CSDC2: variants seen among roughly 807,000 people sequenced by gnomAD.
CSDC2 encodes cold shock domain-containing protein C2.
A neutral mutation model predicts 15.8 loss-of-function variants in CSDC2; 8 were observed. That is an observed-to-expected ratio of 0.51 (90% CI 0.30 to 0.92). The LOEUF (loss-of-function observed/expected upper bound fraction) is 0.92. Among genes scored for constraint, CSDC2 ranks in the 40% least tolerant of loss-of-function variants. The pLI is 0.07. For synonymous variants in CSDC2, 96 were observed against 92.3 expected (o/e 1.04, Z -0.23); for missense variants, 195 against 213.3 (o/e 0.91, Z 0.53).
rs540147314 is a variant in CSDC2, at chr22:41,573,667, C to T, written c.189C>T (p.Ala63=). ...ACCCTATCTCCAGGACAGCCCGGGCCTCAGCTGGCCCCGTGTTCAAGGGCG... is the reference window on the plus strand; with the variant it reads ...ACCCTATCTCCAGGACAGCCCGGGCTTCAGCTGGCCCCGTGTTCAAGGGCG... The part of the protein sequence containing the change: ...RTRTYSATAR[A]SAGPVFKGVC... The change falls in exon 3 of 4, where the codon GCC becomes GCT. Residue 63 remains alanine, a synonymous_variant. Transcript: ENST00000306149. 1.2e-6 allele frequency: 2 copies of T among 1,613,188 alleles called. No homozygotes were observed. Among genetic ancestry groups the T allele is most frequent in the East Asian group, 4.5e-5 (2 of 44,842 alleles).
chr22:41,568,804 G>A (rs1222821359), intron 1 of CSDC2, among the ~76,000 whole-genome samples: 2 of 152,232 alleles, frequency 1.3e-5, no homozygotes, highest in Non-Finnish European at 2.9e-5. Context: ...CCACCTGAGA[G>A]CCCATCATGG....
Position 41,561,440 on chromosome 22 carries a change from G to A in CSDC2, c.-124+257G>A, listed in dbSNP as rs181161512. ...GTCTGTGTCTGTGTCTGGGACCTGCGTCTGGCTCAGGAGGCAGAGAGCAGC... is the reference window on the plus strand; with the variant it reads ...GTCTGTGTCTGTGTCTGGGACCTGCATCTGGCTCAGGAGGCAGAGAGCAGC... On this transcript the variant is annotated intron_variant, in intron 1 of 3. Coordinates refer to ENST00000306149, the MANE Select transcript of CSDC2 (RefSeq NM_014460.4). Among the ~76,000 whole-genome samples, 7 of 152,316 alleles carry A rather than the reference G, an allele frequency of 4.6e-5. No individual in the cohort carries two copies. In the East Asian group the frequency reaches 9.6e-4, roughly 21 times the overall value.
At chr22:41,568,323 C>T (rs533917876) in intron 1 of CSDC2, among the ~76,000 whole-genome samples, 3 of 151,668 alleles carry the variant, frequency 2.0e-5, no homozygotes, top group Admixed American at 6.6e-5. Context: ...TAACTTTGTC[C>T]CCCAGGCTGC....
intron 3 of CSDC2, among the ~76,000 whole-genome samples, chr22:41,574,367 G>A (rs2067164083): frequency 6.6e-6 from 1 of 152,236 alleles, no homozygotes; most frequent in Non-Finnish European, 1.5e-5. Context: ...CTGGGTTCAA[G>A]CGATTCTCCC....
intron 1 of CSDC2, among the ~76,000 whole-genome samples, chr22:41,568,745 T>C (rs763022250): frequency 6.6e-6 from 1 of 152,232 alleles, no homozygotes; most frequent in Non-Finnish European, 1.5e-5. Context: ...CTCTTGGTCC[T>C]GTCTTTGCTG....
At chr22:41,574,438 G>T (rs970682213) in intron 3 of CSDC2, among the ~76,000 whole-genome samples, 5 of 152,114 alleles carry the variant, frequency 3.3e-5, no homozygotes, top group Non-Finnish European at 5.9e-5. Flanking sequence ...GCTAATTTTT[G>T]TACTTTTAGT....
chr22:41,572,889 T>C (rs2067155161), intron 2 of CSDC2, among the ~76,000 whole-genome samples: 1 of 152,116 alleles, frequency 6.6e-6, no homozygotes, highest in Non-Finnish European at 1.5e-5. Flanking sequence ...AAGGATCTTT[T>C]GGGAAGGACA....
intron 1 of CSDC2, among the ~76,000 whole-genome samples, chr22:41,564,277 T>C (rs2067102422): frequency 6.6e-6 from 1 of 150,852 alleles, no homozygotes. Context: ...TTATTGTTTT[T>C]GAGACAGAGT....
At chr22:41,568,771 C>G (rs1018505051) in intron 1 of CSDC2, among the ~76,000 whole-genome samples, 1 of 152,248 alleles carries the variant, frequency 6.6e-6, no homozygotes, top group Non-Finnish European at 1.5e-5. Flanking sequence ...CTTCTGCCTC[C>G]CTTCTGCTCT....
In CSDC2 at chr22:41,575,068, C is replaced by T; in HGVS notation, c.*173C>T. On this transcript the variant is annotated 3_prime_UTR_variant, in exon 4 of 4. Transcript: ENST00000306149. ...CTATGAGCGTGTGCCTCCACCCACC[C>T]CACGACCCGTGACTACTGTGCAAGC... 1 of 807,170 alleles carries T rather than the reference C, an allele frequency of 1.2e-6. No individual in the cohort carries two copies. The highest frequency in any genetic ancestry group is 1.8e-5 in the South Asian group (1 of 55,464). 50.0% of individuals were successfully genotyped at this position (807,170 alleles called of 1,614,324 possible). A position where few individuals can be genotyped will look rare whatever the true frequency, so the allele number is the denominator to read the frequency against.
intron 1 of CSDC2, among the ~76,000 whole-genome samples, chr22:41,567,299 C>T (rs896642279): frequency 6.6e-6 from 1 of 152,220 alleles, no homozygotes; most frequent in Non-Finnish European, 1.5e-5. Flanking sequence ...GGGACTCTGT[C>T]ACCTGCTGTG....
At position 41,574,894 on chromosome 22, in the gene CSDC2, A is replaced by G. The variant is rs1261975155; in HGVS notation, c.461A>G (p.Ter154TrpextTer31). Residue 154 changes from the stop codon to tryptophan (W), a stop_lost, in exon 4 of 4, where the codon TAG becomes TGG. Transcript: ENST00000306149. ...ETWSGQVVGS[*>W] ...TGGTCTGGCCAGGTCGTGGGCTCCTAGGCTGAGTGGTTCACAGGCCAGCTG... is the reference window on the plus strand; with the variant it reads ...TGGTCTGGCCAGGTCGTGGGCTCCTGGGCTGAGTGGTTCACAGGCCAGCTG... 1 of 1,587,098 alleles carries G rather than the reference A, an allele frequency of 6.3e-7. No individual in the cohort carries two copies. Among genetic ancestry groups the G allele is most frequent in the Non-Finnish European group, 8.6e-7 (1 of 1,167,150 alleles).
In CSDC2 at chr22:41,571,879, C is replaced by T; in HGVS notation, c.-87C>T. On this transcript the variant is annotated 5_prime_UTR_variant, in exon 2 of 4. Coordinates refer to ENST00000306149, the MANE Select transcript of CSDC2 (RefSeq NM_014460.4). Reference sequence around the variant, plus strand: ...GGCTGGTGAGGCCGCAGAGCAGGGCCAGGCCGGGCCCTGCCCGCAAGGACG... The same window carrying T: ...GGCTGGTGAGGCCGCAGAGCAGGGCTAGGCCGGGCCCTGCCCGCAAGGACG... The T allele has an allele frequency of 1.1e-6, 1 of 906,298 alleles. No homozygotes were observed. The highest frequency in any genetic ancestry group is 1.5e-6 in the Non-Finnish European group (1 of 663,674). 56.1% of individuals were successfully genotyped at this position (906,298 alleles called of 1,614,324 possible).
At chr22:41,569,576 G>T (rs1182989493) in intron 1 of CSDC2, among the ~76,000 whole-genome samples, 1 of 152,092 alleles carries the variant, frequency 6.6e-6, no homozygotes, top group South Asian at 2.1e-4. Flanking sequence ...TGTGTGCAGG[G>T]TTCATCTAGG....
chr22:41,573,672 C>A lies in CSDC2; in HGVS notation c.194C>A (p.Ala65Asp). 6.2e-7 allele frequency: 1 copy of A among 1,613,394 alleles called. No homozygotes were observed. Among genetic ancestry groups the A allele is most frequent in the Non-Finnish European group, 8.5e-7 (1 of 1,179,654 alleles). ...RTYSATARASAGPVFKGVCKQ... is the reference protein window; with the variant it reads ...RTYSATARASDGPVFKGVCKQ... ...ATCTCCAGGACAGCCCGGGCCTCAGCTGGCCCCGTGTTCAAGGGCGTCTGT... is the reference window on the plus strand; with the variant it reads ...ATCTCCAGGACAGCCCGGGCCTCAGATGGCCCCGTGTTCAAGGGCGTCTGT... Residue 65 changes from alanine (A) to aspartate (D), a missense_variant, in exon 3 of 4, where the codon GCT becomes GAT. By Grantham distance (126) the Ala-to-Asp change is moderately radical (BLOSUM62 -2). Coordinates refer to ENST00000306149, the MANE Select transcript of CSDC2 (RefSeq NM_014460.4).
chr22:41,573,677 C>T lies in CSDC2; in HGVS notation c.199C>T (p.Pro67Ser). The change falls in exon 3 of 4, where the codon CCC becomes TCC. Residue 67 changes from proline (P) to serine (S), a missense_variant. Transcript: ENST00000306149. ...CAGGACAGCCCGGGCCTCAGCTGGC[C>T]CCGTGTTCAAGGGCGTCTGTAAGCA... ...YSATARASAG[P>S]VFKGVCKQFS... The T allele has an allele frequency of 2.5e-6, 4 of 1,613,516 alleles. No homozygotes were observed. The East Asian group carries it at 6.7e-5, about 27-fold the overall frequency.
At chr22:41,567,969 C>A (rs889505579) in intron 1 of CSDC2, among the ~76,000 whole-genome samples, 8 of 152,248 alleles carry the variant, frequency 5.3e-5, no homozygotes, top group African/African-American at 9.6e-5. Flanking sequence ...CTCCTTCCCC[C>A]ACTCCCTCTT....
chr22:41,575,843 A>C lies in CSDC2; in HGVS notation c.*948A>C, dbSNP rs2067172607. ...CCTCCACGTCAAACTCTCTTCCCAA[A>C]GCCCTAACAGACCAGTGGCCGAGGT... On this transcript the variant is annotated 3_prime_UTR_variant, in exon 4 of 4. Coordinates refer to ENST00000306149, the MANE Select transcript of CSDC2 (RefSeq NM_014460.4). The C allele has an allele frequency of 6.6e-6, 1 of 152,258 alleles. No homozygotes were observed. The highest frequency in any genetic ancestry group is 2.4e-5 in the African/African-American group (1 of 41,434). 9.4% of individuals were successfully genotyped at this position (152,258 alleles called of 1,614,324 possible).
intron 2 of CSDC2, among the ~76,000 whole-genome samples, chr22:41,573,449 C>T (rs1451546724): frequency 1.3e-5 from 2 of 152,122 alleles, no homozygotes; most frequent in African/African-American, 4.8e-5. Context: ...CCTCCCGCCT[C>T]AGCCTCCCAA....
Sources: gnomAD v4.1 joint callset for allele counts (sites outside exome capture counted in the v4.1 genomes callset) on GRCh38, gnomAD v4.1.1 for gene constraint, MANE v1.5 for transcripts, NCBI Gene and HGNC (gene_info 2026-07-23, HGNC 2026-07-21) for gene names.